GLT1D1: variants seen among roughly 807,000 people sequenced by gnomAD.
GLT1D1 encodes glycosyltransferase 1 domain-containing protein 1.
GLT1D1 carries 21 observed loss-of-function variants against 28.7 expected under a neutral mutation model. The observed-to-expected ratio is 0.73, with a 90% CI of 0.52 to 1.05. The LOEUF (loss-of-function observed/expected upper bound fraction) is 1.05. Ranked by LOEUF, GLT1D1 falls within the 50% of genes least tolerant of loss-of-function variation. GLT1D1 has a pLI of 0.00. For synonymous variants in GLT1D1, 147 were observed against 124.8 expected (o/e 1.18, Z -1.19); for missense variants, 343 against 330.6 (o/e 1.04, Z -0.29).
chr12:128,976,793 G>A (rs1879804605), intron 7 of GLT1D1, among the ~76,000 whole-genome samples: 1 of 152,092 alleles, frequency 6.6e-6, no homozygotes, highest in African/African-American at 2.4e-5. Flanking sequence ...TCTGTTCTAT[G>A]GCTTTGAGGT....
chr12:128,926,678 G>A (rs931554146), intron 4 of GLT1D1, among the ~76,000 whole-genome samples: 5 of 152,156 alleles, frequency 3.3e-5, no homozygotes, highest in African/African-American at 1.2e-4. Context: ...GTGCCCTCAG[G>A]TTCTGAGAAA....
At chr12:128,867,413 A>AACCAG (rs1956565905) in intron 1 of GLT1D1, among the ~76,000 whole-genome samples, 3 of 141,538 alleles carry the variant, frequency 2.1e-5, no homozygotes, top group African/African-American at 8.1e-5. Flanking sequence ...AAAAAAAAAA[A>AACCAG]AAACAGAAAA....
rs200112463 is a variant in GLT1D1, at chr12:128,947,480, T to C, written c.540+22T>C. 5.2e-4 allele frequency: 847 copies of C among 1,613,742 alleles called. 1 individual carries two copies. The highest frequency in any genetic ancestry group is 6.3e-4 in the Non-Finnish European group (738 of 1,179,638). On this transcript the variant is annotated intron_variant, in intron 6 of 7. Coordinates refer to ENST00000281703, the MANE Select transcript of GLT1D1 (RefSeq NM_144669.3). ...GGAGGTAATTATGTAACTCGAGTAC[T>C]GAAAGTGGGAGTGTGAAATTGTCCA...
intron 7 of GLT1D1, among the ~76,000 whole-genome samples, chr12:128,980,100 T>G (rs749689109): frequency 4.6e-5 from 7 of 152,258 alleles, no homozygotes; most frequent in Non-Finnish European, 7.3e-5. Flanking sequence ...GGGTGTCCCC[T>G]GCTCTGCTTT....
intron 7 of GLT1D1, among the ~76,000 whole-genome samples, chr12:128,963,891 A>T (rs572051891): frequency 2.6e-4 from 40 of 152,356 alleles, no homozygotes; most frequent in African/African-American, 8.7e-4. Context: ...CCTCTGCATC[A>T]TCGGCCCATC....
At chr12:128,934,973 G>A (rs1874392666) in intron 4 of GLT1D1, among the ~76,000 whole-genome samples, 1 of 151,764 alleles carries the variant, frequency 6.6e-6, no homozygotes, top group Admixed American at 6.6e-5. Flanking sequence ...TCCAGGACAG[G>A]GTCCTGGAAG....
intron 1 of GLT1D1, among the ~76,000 whole-genome samples, chr12:128,867,254 G>T (rs1041139664): frequency 2.0e-5 from 3 of 151,634 alleles, no homozygotes; most frequent in African/African-American, 4.8e-5. Flanking sequence ...TTAGCCGGGC[G>T]TGGTGGCGAA....
chr12:128,981,929 C>T (rs111704623), intron 7 of GLT1D1, among the ~76,000 whole-genome samples: 1,685 of 152,252 alleles, frequency 0.011, 35 homozygotes, highest in African/African-American at 0.039. Context: ...CCACGCCTCC[C>T]GTGTCAAGAA....
At chr12:128,906,985 C>T (rs75089342) in intron 4 of GLT1D1, 52 of 702,006 alleles carry the variant, frequency 7.4e-5, no homozygotes, top group African/African-American at 4.9e-4. Context: ...CAGATGTTAG[C>T]GCTGGCCTAA....
At chr12:128,981,743 A>G (rs918267311) in intron 7 of GLT1D1, among the ~76,000 whole-genome samples, 2 of 152,244 alleles carry the variant, frequency 1.3e-5, no homozygotes, top group African/African-American at 4.8e-5. Context: ...AGAGCTAAGT[A>G]TGTGCCGGGC....
intron 4 of GLT1D1, among the ~76,000 whole-genome samples, chr12:128,942,084 CT>C (rs1190397271): frequency 2.2e-3 from 321 of 144,024 alleles, no homozygotes; most frequent in Middle Eastern, 3.7e-3. Flanking sequence ...CATGTGTCTT[CT>C]TTTTTTTTTT....
chr12:128,969,119 C>T (rs904052374), intron 7 of GLT1D1, among the ~76,000 whole-genome samples: 1 of 125,234 alleles, frequency 8.0e-6, no homozygotes, highest in Non-Finnish European at 1.6e-5. Flanking sequence ...CTCTCTGTCT[C>T]TGTTTCTGTA....
chr12:128,951,195 G>A (rs1369485291), intron 6 of GLT1D1, among the ~76,000 whole-genome samples: 1 of 152,130 alleles, frequency 6.6e-6, no homozygotes, highest in African/African-American at 2.4e-5. Flanking sequence ...CTGAGGTCAG[G>A]AGTTCGAGAC....
intron 7 of GLT1D1, 148 bp downstream of exon 11, chr12:128,957,791 G>A: frequency 3.4e-6 from 2 of 582,014 alleles, no homozygotes; most frequent in Non-Finnish European, 6.3e-6. Flanking sequence ...TTATCACCTG[G>A]GCAGCTGCCT....
chr12:128,924,960 C>G (rs1200765222), intron 4 of GLT1D1, among the ~76,000 whole-genome samples: 2 of 152,150 alleles, frequency 1.3e-5, no homozygotes, highest in Non-Finnish European at 2.9e-5. Context: ...TGGCCATCCA[C>G]CACAAGCAGT....
At position 128,952,616 on chromosome 12, in the gene GLT1D1, G is replaced by A. The variant is rs565957231; in HGVS notation, c.541-4929G>A. 2.4e-3 allele frequency among the ~76,000 whole-genome samples: 369 copies of A among 150,778 alleles called. 1 individual carries two copies. Among genetic ancestry groups the A allele is most frequent in the Non-Finnish European group, 4.0e-3 (268 of 67,664 alleles). ...CAGGTAACTGGGATGACAGGCCTGC[G>A]CCACCACGCTTGGCTAATTTTGTAT... is the stretch of plus-strand genomic sequence containing the variant. On this transcript the variant is annotated intron_variant, in intron 6 of 7. Coordinates refer to ENST00000281703, the MANE Select transcript of GLT1D1 (RefSeq NM_144669.3).
intron 6 of GLT1D1, among the ~76,000 whole-genome samples, chr12:128,954,189 T>C (rs1325533146): frequency 6.6e-6 from 1 of 151,788 alleles, no homozygotes; most frequent in Admixed American, 6.6e-5. Flanking sequence ...AATGGCGCGA[T>C]CTCGGCTCAC....
chr12:128,979,761 AAAG>A (rs1880138825), intron 7 of GLT1D1, among the ~76,000 whole-genome samples: 3 of 152,164 alleles, frequency 2.0e-5, no homozygotes, highest in Admixed American at 2.0e-4. Flanking sequence ...TCAAAAAAAA[AAAG>A]ATGAGAAAAT....
At chr12:128,967,561 G>T (rs556478347) in intron 7 of GLT1D1, among the ~76,000 whole-genome samples, 1 of 152,324 alleles carries the variant, frequency 6.6e-6, no homozygotes, top group East Asian at 1.9e-4. Context: ...CGCGTTCACA[G>T]CTTGCAGCGC....
Sources: gnomAD v4.1 joint callset for allele counts (sites outside exome capture counted in the v4.1 genomes callset) on GRCh38, gnomAD v4.1.1 for gene constraint, MANE v1.5 for transcripts, NCBI Gene and HGNC (gene_info 2026-07-23, HGNC 2026-07-21) for gene names.